The following RALGAPB variants were observed in gnomAD, a reference collection of about 807,000 sequenced individuals.
The protein encoded by RALGAPB is Ral GTPase activating protein non-catalytic subunit beta.
In RALGAPB, 25 loss-of-function variants were observed where a neutral mutation model predicts 161.1. That is an observed-to-expected ratio of 0.16 (90% CI 0.11 to 0.22). The LOEUF is 0.22. Ranked by LOEUF, RALGAPB falls within the 10% of genes least tolerant of loss-of-function variation. RALGAPB has a pLI of 1.00. For synonymous variants in RALGAPB, 629 were observed against 626.1 expected, an observed-to-expected ratio of 1.00 and a Z score of -0.07; for missense variants, 1,391 against 1,815.2, an observed-to-expected ratio of 0.77 and a Z score of 4.25.
At chr20:38,561,678 A>C (rs1404152580) in intron 23 of RALGAPB, among the ~76,000 whole-genome samples, 1 of 152,150 alleles carries the variant, frequency 6.6e-6, no homozygotes, top group Non-Finnish European at 1.5e-5. Context: ...TTGCAAGGGA[A>C]TTTCTTAGTT....
At chr20:38,528,095 G>A (rs918153658) in intron 13 of RALGAPB, among the ~76,000 whole-genome samples, 4 of 152,148 alleles carry the variant, frequency 2.6e-5, no homozygotes, top group Non-Finnish European at 5.9e-5. Context: ...GAAAGCTATT[G>A]CTGTGACTTT....
chr20:38,473,066 T>C lies in RALGAPB; in HGVS notation c.-34T>C, dbSNP rs2084696225. On this transcript the variant is annotated 5_prime_UTR_variant, in exon 1 of 30. Transcript: ENST00000262879. ...GGCGATGCGGGCCCCGCCCGTCGCC[T>C]CAGGTAACCGGGCAGCCGGCCCCGC... is the stretch of plus-strand genomic sequence containing the variant. 2.7e-6 allele frequency: 1 copy of C among 370,870 alleles called. No individual in the cohort carries two copies. Among genetic ancestry groups the C allele is most frequent in the East Asian group, 3.9e-5 (1 of 25,430 alleles). The allele number at this position is 370,870 out of a possible 1,614,324, so 23.0% of individuals were successfully genotyped here. A position where few individuals can be genotyped will look rare whatever the true frequency, so the allele number is the denominator to read the frequency against.
chr20:38,528,649 G>A (rs1480205906), intron 13 of RALGAPB, among the ~76,000 whole-genome samples: 1 of 151,906 alleles, frequency 6.6e-6, no homozygotes, highest in African/African-American at 2.4e-5. Context: ...GATTACAGGT[G>A]TGAGCCACTG....
intron 3 of RALGAPB, among the ~76,000 whole-genome samples, chr20:38,496,877 C>T (rs1024723224): frequency 3.9e-5 from 6 of 152,130 alleles, no homozygotes; most frequent in African/African-American, 1.2e-4. Flanking sequence ...CTCTAACAGA[C>T]CTTAGCTTCA....
intron 2 of RALGAPB, among the ~76,000 whole-genome samples, chr20:38,488,857 G>C (rs1034606530): frequency 1.3e-5 from 2 of 152,180 alleles, no homozygotes; most frequent in Non-Finnish European, 2.9e-5. Context: ...CTGTTTTGCT[G>C]CTGGGACTTT....
chr20:38,564,897 TTCCTCC>T (rs1028941933), intron 24 of RALGAPB, among the ~76,000 whole-genome samples: 1 of 151,168 alleles, frequency 6.6e-6, no homozygotes, highest in African/African-American at 2.4e-5. Flanking sequence ...TCCTCCTCTT[TTCCTCC>T]TCCTCCTCCC....
At position 38,526,469 on chromosome 20, in the gene RALGAPB, A is replaced by C. The variant is rs959883009; in HGVS notation, c.2050+427A>C. 2.0e-5 allele frequency among the ~76,000 whole-genome samples: 3 copies of C among 151,620 alleles called. No homozygotes were observed. In the South Asian group the frequency reaches 6.2e-4, roughly 32 times the overall value. ...TTACTTACAGGTCTCATCAGTCTGC[A>C]CTTTCGTCCTAGTCCTTTTTTTCTC... On this transcript the variant is annotated intron_variant, in intron 13 of 29. Coordinates refer to ENST00000262879, the MANE Select transcript of RALGAPB (RefSeq NM_020336.4).
intron 3 of RALGAPB, among the ~76,000 whole-genome samples, chr20:38,496,634 G>A (rs142371593): frequency 6.6e-6 from 1 of 152,242 alleles, no homozygotes; most frequent in East Asian, 1.9e-4. Context: ...ACTTTGATCT[G>A]TTTTATAGAT....
At position 38,522,166 on chromosome 20, in the gene RALGAPB, C is replaced by T. The variant is rs144308279; in HGVS notation, c.1619+468C>T. 1.3e-3 allele frequency among the ~76,000 whole-genome samples: 195 copies of T among 152,282 alleles called. 1 individual carries two copies. Among genetic ancestry groups the T allele is most frequent in the Middle Eastern group, 6.8e-3 (2 of 294 alleles). Reference sequence around the variant, plus strand: ...TGTGGGCATTCAGGGGAAGAAGCAGCGCACATTTATTTACTGTAGGGGATT... The same window carrying T: ...TGTGGGCATTCAGGGGAAGAAGCAGTGCACATTTATTTACTGTAGGGGATT... On this transcript the variant is annotated intron_variant, in intron 10 of 29. Transcript: ENST00000262879.
At chr20:38,549,017 A>G (rs2087268777) in intron 20 of RALGAPB, among the ~76,000 whole-genome samples, 1 of 152,192 alleles carries the variant, frequency 6.6e-6, no homozygotes, top group Admixed American at 6.6e-5. Context: ...AAAGCTTTCC[A>G]GGTGATTCTG....
In RALGAPB at chr20:38,569,921, C is replaced by A; in HGVS notation, c.3988C>A (p.Gln1330Lys). 1 of 1,613,622 alleles carries A rather than the reference C, an allele frequency of 6.2e-7. No individual in the cohort carries two copies. The highest frequency in any genetic ancestry group is 8.5e-7 in the Non-Finnish European group (1 of 1,179,708). Residue 1330 changes from glutamine to lysine, a missense_variant, in exon 27 of 30, where the codon CAG becomes AAG. Gln to Lys is a moderately conservative substitution (Grantham distance 53). Coordinates refer to ENST00000262879, the MANE Select transcript of RALGAPB (RefSeq NM_020336.4). ...CAGTTCCAGAATGAGGAAGCTGCCT[C>A]AGGGTCGCCCTGTTCCTCCCCTTGG... ...SPSSRMRKLP[Q>K]GRPVPPLGPE...
intron 20 of RALGAPB, among the ~76,000 whole-genome samples, chr20:38,549,548 A>AAAT (rs2087293943): frequency 8.1e-6 from 1 of 123,230 alleles, no homozygotes; most frequent in South Asian, 2.9e-4. Flanking sequence ...AAAAAAAAAA[A>AAAT]AATATATATA....
chr20:38,548,659 T>G (rs1450856496), intron 19 of RALGAPB, 30 bp from the exon 20 acceptor site: 7 of 1,537,822 alleles, frequency 4.6e-6, no homozygotes, highest in Non-Finnish European at 6.3e-6. Context: ...TGTCTGAAAT[T>G]AAAACTTTTA....
intron 17 of RALGAPB, among the ~76,000 whole-genome samples, chr20:38,540,194 C>G (rs1281282216): frequency 6.6e-6 from 1 of 152,148 alleles, no homozygotes; most frequent in Non-Finnish European, 1.5e-5. Flanking sequence ...GAGACCTTGG[C>G]TAATTTATCT....
intron 3 of RALGAPB, among the ~76,000 whole-genome samples, chr20:38,494,381 A>G (rs1319251922): frequency 6.6e-6 from 1 of 152,232 alleles, no homozygotes; most frequent in Non-Finnish European, 1.5e-5. Flanking sequence ...CTGTAATCCC[A>G]GCATGTTTGG....
Position 38,539,758 on chromosome 20 carries a change from C to T in RALGAPB, c.2380-18C>T. Reference sequence around the variant, plus strand: ...ATTCCTGGCTGATTGTTTTTGTTCTCCAAATGAATATGCTCAGGTAAAAGT... The same window carrying T: ...ATTCCTGGCTGATTGTTTTTGTTCTTCAAATGAATATGCTCAGGTAAAAGT... On this transcript the variant is annotated intron_variant, in intron 16 of 29. Transcript: ENST00000262879. The T allele has an allele frequency of 8.1e-6, 13 of 1,605,942 alleles. No individual in the cohort carries two copies. Among genetic ancestry groups the T allele is most frequent in the Non-Finnish European group, 1.1e-5 (13 of 1,174,306 alleles).
chr20:38,517,380 G>A, intron 7 of RALGAPB, 126 bp from the exon 8 acceptor site: 1 of 861,846 alleles, frequency 1.2e-6, no homozygotes, highest in East Asian at 3.0e-5. Flanking sequence ...GATACTGAGA[G>A]GCAACTAGCA....
At chr20:38,503,886 C>G (rs1294890096) in intron 5 of RALGAPB, among the ~76,000 whole-genome samples, 1 of 152,144 alleles carries the variant, frequency 6.6e-6, no homozygotes, top group African/African-American at 2.4e-5. Context: ...CTGCAGCCAT[C>G]AATGAGGCAA....
intron 5 of RALGAPB, among the ~76,000 whole-genome samples, chr20:38,502,122 T>C (rs1261280379): frequency 6.6e-6 from 1 of 152,226 alleles, no homozygotes; most frequent in Non-Finnish European, 1.5e-5. Context: ...AAATTAACTC[T>C]GGTACATACT....
Sources: allele counts gnomAD v4.1 joint callset (sites outside exome capture counted in the v4.1 genomes callset), GRCh38; gene constraint gnomAD v4.1.1; transcripts MANE v1.5; gene names NCBI Gene and HGNC (gene_info 2026-07-23, HGNC 2026-07-21).